Variants in USP32 observed in about 807,000 individuals in gnomAD.
The protein encoded by USP32 is ubiquitin specific peptidase 32, also known as ubiquitin carboxyl-terminal hydrolase 32.
In USP32, 59 loss-of-function variants were observed where a neutral mutation model predicts 204.8. That is an observed-to-expected ratio of 0.29 (90% confidence interval 0.23 to 0.36). USP32 has a LOEUF of 0.36. Ranked by LOEUF, USP32 falls within the 10% of genes least tolerant of loss-of-function variation. USP32 has a pLI of 1.00. For missense variants in USP32, 1,160 were observed against 1,946.4 expected (o/e 0.60, Z 7.60); for synonymous variants, 517 against 678.4 (o/e 0.76, Z 3.70).
chr17:60,392,257 G>A (rs2089854763), upstream of USP32: 1 of 407,198 alleles, frequency 2.5e-6, no homozygotes, highest in South Asian at 2.7e-5. Context: ...CAGCTCCGCC[G>A]AGGGTCACGG....
chr17:60,244,389 T>A (rs115134523), intron 11 of USP32, among the ~76,000 whole-genome samples: 1,838 of 152,290 alleles, frequency 0.012, 29 homozygotes, highest in African/African-American at 0.041. Flanking sequence ...AATCTGTTTA[T>A]ATTTAAGGTA....
intron 12 of USP32, among the ~76,000 whole-genome samples, chr17:60,232,837 A>G (rs2085608351): frequency 6.6e-6 from 1 of 152,116 alleles, no homozygotes; most frequent in South Asian, 2.1e-4. Flanking sequence ...GTGAGCCACC[A>G]TGCCTGGCAT....
intron 11 of USP32, chr17:60,249,445 TG>T (rs1462185284): frequency 5.6e-6 from 2 of 357,928 alleles, no homozygotes; most frequent in African/African-American, 4.2e-5. Flanking sequence ...AAAATTTGAC[TG>T]GTCTGTTGTT....
chr17:60,292,531 C>G (rs1011975962), intron 4 of USP32, among the ~76,000 whole-genome samples: 1 of 152,166 alleles, frequency 6.6e-6, no homozygotes, highest in Non-Finnish European at 1.5e-5. Flanking sequence ...TACTAATCAT[C>G]TTCCCCCTAC....
chr17:60,340,630 CA>C (rs2088634565), intron 2 of USP32, among the ~76,000 whole-genome samples: 1 of 152,132 alleles, frequency 6.6e-6, no homozygotes, highest in Non-Finnish European at 1.5e-5. Flanking sequence ...TCCAATTTGC[CA>C]ATCTGTGCCT....
intron 10 of USP32, among the ~76,000 whole-genome samples, chr17:60,253,886 G>C: frequency 6.6e-6 from 1 of 152,060 alleles, no homozygotes; most frequent in Middle Eastern, 3.4e-3. Flanking sequence ...TAAAGCCATC[G>C]ACTTGAATCT....
chr17:60,366,599 T>C (rs2089318984), intron 1 of USP32, among the ~76,000 whole-genome samples: 1 of 152,008 alleles, frequency 6.6e-6, no homozygotes, highest in Non-Finnish European at 1.5e-5. Context: ...TCTTGGACTA[T>C]GACATTTAGA....
intron 2 of USP32, among the ~76,000 whole-genome samples, chr17:60,329,873 C>A (rs994534353): frequency 6.6e-6 from 1 of 152,144 alleles, no homozygotes; most frequent in Non-Finnish European, 1.5e-5. Context: ...TCTGAACATA[C>A]CTTGTCTATT....
At chr17:60,320,425 T>C (rs903180800) in intron 2 of USP32, among the ~76,000 whole-genome samples, 16 of 152,196 alleles carry the variant, frequency 1.1e-4, no homozygotes, top group East Asian at 9.6e-4. Context: ...TCAGAGCCTA[T>C]GTCAGCAGCT....
At chr17:60,301,750 T>C (rs750107140) in intron 2 of USP32, 46 bp from the exon 3 acceptor site, 1 of 1,310,196 alleles carries the variant, frequency 7.6e-7, no homozygotes, top group Non-Finnish European at 1.1e-6. Flanking sequence ...TTTCAGTTGT[T>C]GAGGAATCTG....
rs1176663237 is a variant in USP32 at position 60,391,891 on chromosome 17, G to A, written c.49C>T (p.Leu17=). 9 of 1,607,386 alleles carry A rather than the reference G, an allele frequency of 5.6e-6. No homozygotes were observed. The highest frequency in any genetic ancestry group is 1.4e-5 in the African/African-American group (1 of 73,794). Residue 17 remains leucine, a synonymous_variant, in exon 1 of 34, where the codon CTG becomes TTG. Transcript: ENST00000300896. ...ACCCCTCCCCCCTCACCTCTCCTCA[G>A]CGCCTCCTCGTAGCTGAGGAATCCG... The part of the protein sequence containing the change: ...RIGFLSYEEA[L]RRVTDVELKR...
At chr17:60,192,255 C>T (rs1291899297) in intron 28 of USP32, among the ~76,000 whole-genome samples, 2 of 152,118 alleles carry the variant, frequency 1.3e-5, no homozygotes, top group East Asian at 3.9e-4. Flanking sequence ...TGAGCCACTG[C>T]ACCCCAGCCT....
At chr17:60,216,341 A>T (rs1404707620) in intron 16 of USP32, among the ~76,000 whole-genome samples, 1 of 151,414 alleles carries the variant, frequency 6.6e-6, no homozygotes, top group African/African-American at 2.4e-5. Context: ...TCCGCCAAAA[A>T]TCTAGACAAA....
chr17:60,394,457 T>G (rs990582120), upstream of USP32, among the ~76,000 whole-genome samples: 2 of 152,362 alleles, frequency 1.3e-5, no homozygotes, highest in East Asian at 1.9e-4. Context: ...TGTATCTCTT[T>G]GTGGCACTTG....
chr17:60,236,193 T>C lies in USP32; in HGVS notation c.1184A>G (p.Asn395Ser). 2 of 1,614,048 alleles carry C rather than the reference T, an allele frequency of 1.2e-6. No individual in the cohort carries two copies. The highest frequency in any genetic ancestry group is 1.1e-5 in the South Asian group (1 of 91,076). ...CCACTGCATGGAGATGATAAACCAGTTGTGTCCTGCTTGCAGACCATACCT... is the reference window on the plus strand; with the variant it reads ...CCACTGCATGGAGATGATAAACCAGCTGTGTCCTGCTTGCAGACCATACCT... ...ESRYGLQAGHNWFIISMQWWQ... is the reference protein window; with the variant it reads ...ESRYGLQAGHSWFIISMQWWQ... The change falls in exon 12 of 34, where the codon AAC becomes AGC. Residue 395 changes from asparagine (N) to serine (S), a missense_variant. Transcript: ENST00000300896.
At chr17:60,287,049 C>T (rs1181051938) in intron 5 of USP32, among the ~76,000 whole-genome samples, 1 of 152,184 alleles carries the variant, frequency 6.6e-6, no homozygotes, top group African/African-American at 2.4e-5. Context: ...ACTCAGGAGG[C>T]TGAGGCAGAA....
chr17:60,396,151 C>T (rs1257412483), upstream of USP32, among the ~76,000 whole-genome samples: 3 of 139,842 alleles, frequency 2.1e-5, no homozygotes, highest in Non-Finnish European at 4.5e-5. Flanking sequence ...AATCAGAGCT[C>T]ACTGCAGTCT....
intron 2 of USP32, among the ~76,000 whole-genome samples, chr17:60,306,711 G>C (rs2087733462): frequency 6.6e-6 from 1 of 151,704 alleles, no homozygotes; most frequent in Non-Finnish European, 1.5e-5. Flanking sequence ...AAGAAATAAA[G>C]GGTCTCCAAA....
At chr17:60,369,635 A>T (rs2089398620) in intron 1 of USP32, among the ~76,000 whole-genome samples, 1 of 152,194 alleles carries the variant, frequency 6.6e-6, no homozygotes, top group Admixed American at 6.6e-5. Context: ...ACTCATACAC[A>T]TTAAAAGTAG....
Sources: allele counts gnomAD v4.1 joint callset (sites outside exome capture counted in the v4.1 genomes callset), GRCh38; gene constraint gnomAD v4.1.1; transcripts MANE v1.5; gene names NCBI Gene and HGNC (gene_info 2026-07-23, HGNC 2026-07-21).